Variants in DNAH11 observed in about 807,000 individuals in gnomAD.
DNAH11 encodes axonemal beta dynein heavy chain 11.
DNAH11 carries 442 observed loss-of-function variants against 526.0 expected under a neutral mutation model. That is an observed-to-expected ratio of 0.84 (90% confidence interval 0.78 to 0.91). DNAH11 has a LOEUF of 0.91. Ranked by LOEUF, DNAH11 falls within the 40% of genes least tolerant of loss-of-function variation. The pLI is 0.00. For synonymous variants in DNAH11, 2,461 were observed against 1,935.9 expected, an observed-to-expected ratio of 1.27 and a Z score of -7.12; for missense variants, 6,989 against 5,448.7, an observed-to-expected ratio of 1.28 and a Z score of -8.90.
At chr7:21,900,151 C>T (rs1216951928) in intron 81 of DNAH11, 31 bp downstream of exon 81, 9 of 1,583,668 alleles carry the variant, frequency 5.7e-6, no homozygotes, top group Non-Finnish European at 7.7e-6. Context: ...AGTGGGGAAC[C>T]TTTTCTTACT....
Position 21,774,002 on chromosome 7 carries a change from A to G in DNAH11, c.9336+3A>G. Reference sequence around the variant, plus strand: ...AGCTAAAAACCACAGCCTCTCAGGTATGACCAGGATGTGTTATTACTGAGT... The same window carrying G: ...AGCTAAAAACCACAGCCTCTCAGGTGTGACCAGGATGTGTTATTACTGAGT... On this transcript the variant is annotated splice_donor_region_variant and intron_variant, in intron 56 of 81. Transcript: ENST00000409508. 1 of 1,546,988 alleles carries G rather than the reference A, an allele frequency of 6.5e-7. No individual in the cohort carries two copies. The highest frequency in any genetic ancestry group is 8.7e-7 in the Non-Finnish European group (1 of 1,148,456).
intron 25 of DNAH11, among the ~76,000 whole-genome samples, chr7:21,630,746 G>T (rs952625756): frequency 1.3e-5 from 2 of 152,028 alleles, no homozygotes; most frequent in African/African-American, 4.8e-5. Context: ...GTTGCTTTAC[G>T]ATTCTCTGTG....
At chr7:21,886,034 T>G (rs921352346) in intron 76 of DNAH11, among the ~76,000 whole-genome samples, 1 of 152,230 alleles carries the variant, frequency 6.6e-6, no homozygotes, top group African/African-American at 2.4e-5. Context: ...CATTCCTGGT[T>G]ATTTCTTGGA....
chr7:21,764,808 A>G (rs1003875463), intron 54 of DNAH11, among the ~76,000 whole-genome samples: 39 of 152,248 alleles, frequency 2.6e-4, no homozygotes, highest in African/African-American at 8.9e-4. Context: ...GCTACACAAA[A>G]CTTTAGATTT....
chr7:21,820,074 A>G (rs530062728), intron 65 of DNAH11, among the ~76,000 whole-genome samples: 25 of 152,310 alleles, frequency 1.6e-4, no homozygotes, highest in African/African-American at 5.3e-4. Context: ...TCAACTCTCT[A>G]TCATCAGCTG....
intron 30 of DNAH11, among the ~76,000 whole-genome samples, chr7:21,667,885 A>C (rs1782481744): frequency 6.6e-6 from 1 of 152,184 alleles, no homozygotes; most frequent in South Asian, 2.1e-4. Flanking sequence ...ACTCAAGTAG[A>C]CCATTAACGA....
intron 61 of DNAH11, among the ~76,000 whole-genome samples, chr7:21,789,763 C>CCCTTTCTT (rs1788355891): frequency 1.4e-5 from 1 of 72,998 alleles, no homozygotes; most frequent in Non-Finnish European, 3.0e-5. Flanking sequence ...ATTTCTTTCT[C>CCCTTTCTT]TCTTTCTTTC....
intron 65 of DNAH11, among the ~76,000 whole-genome samples, chr7:21,839,782 T>C (rs527710048): frequency 5.1e-4 from 77 of 152,252 alleles, no homozygotes; most frequent in Non-Finnish European, 9.7e-4. Flanking sequence ...TCTGGCAGAA[T>C]TTTTTCAAGT....
chr7:21,704,885 C>T lies in DNAH11; in HGVS notation c.6468+257C>T, dbSNP rs575815156. Among the ~76,000 whole-genome samples the T allele has an allele frequency of 1.6e-3, 247 of 152,278 alleles. 3 individuals are homozygous for T. In the South Asian group the frequency reaches 0.05, roughly 31 times the overall value. The stretch of plus-strand genomic sequence containing the variant: ...GCATGCTTTTAATTAGGTTACAAAA[C>T]TTGTTGGTTCTTCGAGACATGCACT... On this transcript the variant is annotated intron_variant, in intron 38 of 81. Transcript: ENST00000409508.
At position 21,615,109 on chromosome 7, in the gene DNAH11, C is replaced by G. The variant is rs367628980; in HGVS notation, c.3853-5C>G. ...TGTATGCAGGTGTTTATGTTCTCTC[C>G]TTAGGCAAATGAAGAGCTTGAGGCC... On this transcript the variant is annotated splice_region_variant and splice_polypyrimidine_tract_variant and intron_variant, in intron 20 of 81. Coordinates refer to ENST00000409508, the MANE Select transcript of DNAH11 (RefSeq NM_001277115.2). The G allele has an allele frequency of 5.5e-4, 884 of 1,607,190 alleles. 2 individuals are homozygous for G. Among genetic ancestry groups the G allele is most frequent in the Non-Finnish European group, 7.3e-4 (861 of 1,177,508 alleles).
intron 20 of DNAH11, among the ~76,000 whole-genome samples, chr7:21,614,752 T>G (rs1785687209): frequency 6.6e-6 from 1 of 152,172 alleles, no homozygotes; most frequent in Admixed American, 6.5e-5. Context: ...TATAATTCAT[T>G]CTTACATGGA....
intron 61 of DNAH11, among the ~76,000 whole-genome samples, chr7:21,797,466 G>A (rs557461912): frequency 1.7e-4 from 26 of 150,636 alleles, no homozygotes; most frequent in Admixed American, 1.3e-3. Flanking sequence ...TGATCCGCTC[G>A]CCTCGGCCTC....
intron 30 of DNAH11, among the ~76,000 whole-genome samples, chr7:21,666,912 A>G (rs547659830): frequency 7.9e-5 from 12 of 152,220 alleles, no homozygotes; most frequent in Non-Finnish European, 1.5e-4. Flanking sequence ...ATGAAAAAAA[A>G]CATAGTGTTC....
intron 42 of DNAH11, among the ~76,000 whole-genome samples, chr7:21,712,387 G>A (rs1290316626): frequency 6.6e-6 from 1 of 152,168 alleles, no homozygotes; most frequent in Non-Finnish European, 1.5e-5. Flanking sequence ...ATTCTTTCGG[G>A]TAGAACTCAG....
chr7:21,620,110 TC>T, intron 25 of DNAH11, 32 bp downstream of exon 25: 2 of 1,480,430 alleles, frequency 1.4e-6, no homozygotes, highest in Non-Finnish European at 1.8e-6. Flanking sequence ...CATATATTTT[TC>T]ATTTTATTTT....
chr7:21,740,398 C>T (rs13234204), intron 48 of DNAH11, among the ~76,000 whole-genome samples: 86,649 of 151,950 alleles, frequency 0.57, 26,280 homozygotes, highest in Non-Finnish European at 0.69. Flanking sequence ...CCCCACTTTC[C>T]CCTGGCAACC....
intron 47 of DNAH11, among the ~76,000 whole-genome samples, 184 bp downstream of exon 47, chr7:21,739,050 A>G (rs1185325217): frequency 6.6e-6 from 1 of 152,184 alleles, no homozygotes; most frequent in African/African-American, 2.4e-5. Context: ...ATCTCTTTTC[A>G]TCATATTAAG....
At chr7:21,643,223 A>G (rs1345884885) in intron 28 of DNAH11, among the ~76,000 whole-genome samples, 2 of 152,110 alleles carry the variant, frequency 1.3e-5, no homozygotes, top group Non-Finnish European at 2.9e-5. Context: ...TAACTGAACT[A>G]GTATAGTTGT....
intron 36 of DNAH11, among the ~76,000 whole-genome samples, chr7:21,700,031 T>C (rs910298175): frequency 2.6e-5 from 4 of 152,228 alleles, no homozygotes; most frequent in African/African-American, 4.8e-5. Flanking sequence ...ATGAGTACTA[T>C]GTGTTATGTT....
Sources: gnomAD v4.1 joint callset for allele counts (sites outside exome capture counted in the v4.1 genomes callset) on GRCh38, gnomAD v4.1.1 for gene constraint, MANE v1.5 for transcripts, NCBI Gene and HGNC (gene_info 2026-07-23, HGNC 2026-07-21) for gene names.